Variants in LPIN1 observed in about 807,000 individuals in gnomAD.
The protein encoded by LPIN1 is phosphatidate phosphatase LPIN1.
Under a neutral mutation model 107.5 loss-of-function variants are expected in LPIN1, and 71 were observed. That is an observed-to-expected ratio of 0.66 (90% CI 0.55 to 0.80). The LOEUF (loss-of-function observed/expected upper bound fraction) is 0.80, where lower values mean the gene tolerates loss of function less well. Among genes scored for constraint, LPIN1 ranks in the 30% least tolerant of loss-of-function variants. The pLI is 0.00. For synonymous variants in LPIN1, 445 were observed against 452.6 expected (o/e 0.98, Z 0.21); for missense variants, 1,043 against 1,160.6 (o/e 0.90, Z 1.47).
chr2:11,734,028 G>T (rs1433547949), intron 1 of LPIN1, among the ~76,000 whole-genome samples: 1 of 152,208 alleles, frequency 6.6e-6, no homozygotes, highest in Non-Finnish European at 1.5e-5. Flanking sequence ...CAAATCCTAT[G>T]TTCTTTCTCC....
At chr2:11,819,822 A>T (rs1681216745) in intron 19 of LPIN1, among the ~76,000 whole-genome samples, 1 of 152,186 alleles carries the variant, frequency 6.6e-6, no homozygotes, top group African/African-American at 2.4e-5. Flanking sequence ...AAAGCTTGAG[A>T]TATGGGACTT....
rs762701125 is a variant in LPIN1 at position 11,771,521 on chromosome 2, G to A, written c.438G>A (p.Pro146=). ...AAGTGATCGCTCCCAGCGAGACGCC[G>A]TCAAGCAGCTCTGTAGTAAAGAAGA... ...PAQVIAPSET[P]SSSSVVKKRR... is the part of the protein sequence containing the mutation. The change falls in exon 4 of 21, where the codon CCG becomes CCA. Residue 146 remains proline (P), a synonymous_variant. Coordinates refer to ENST00000674199, the MANE Select transcript of LPIN1 (RefSeq NM_001349206.2). The surrounding 1 kb of genome is among the most constrained non-coding windows in gnomAD (Gnocchi z 4.8). 72 of 1,614,022 alleles carry A rather than the reference G, an allele frequency of 4.5e-5. No homozygotes were observed. In the Middle Eastern group the frequency reaches 9.9e-4, roughly 22 times the overall value.
At chr2:11,679,680 G>C (rs1286586738) in intron 1 of LPIN1, among the ~76,000 whole-genome samples, 1 of 152,200 alleles carries the variant, frequency 6.6e-6, no homozygotes, top group Admixed American at 6.5e-5. Context: ...CCCTCAGCAG[G>C]CCCCTTGGCT....
chr2:11,712,275 G>T (rs1663466258), intron 1 of LPIN1, among the ~76,000 whole-genome samples: 1 of 152,146 alleles, frequency 6.6e-6, no homozygotes, highest in Non-Finnish European at 1.5e-5. Flanking sequence ...GGCCTTTCTT[G>T]TCCTCTCCTC....
intron 1 of LPIN1, among the ~76,000 whole-genome samples, chr2:11,701,049 T>C (rs6716051): frequency 0.16 from 24,037 of 152,158 alleles, 2,123 homozygotes; most frequent in East Asian, 0.3. Context: ...TGTGTTCTGG[T>C]GTCCTCACTG....
chr2:11,802,188 G>T (rs1048474771), intron 14 of LPIN1, among the ~76,000 whole-genome samples: 5 of 152,210 alleles, frequency 3.3e-5, no homozygotes, highest in Admixed American at 6.5e-5. Context: ...TTATGTCATA[G>T]CAGGATTTTC....
chr2:11,759,147 T>C (rs1175933607), intron 1 of LPIN1, among the ~76,000 whole-genome samples: 4 of 143,580 alleles, frequency 2.8e-5, no homozygotes, highest in African/African-American at 1.1e-4. Context: ...CTTTCTTTCT[T>C]TCTTTCTTTC....
Position 11,805,109 on chromosome 2 carries a change from G to C in LPIN1, c.2202G>C (p.Lys734Asn), listed in dbSNP as rs757675674. 2.1e-5 allele frequency: 34 copies of C among 1,614,014 alleles called. No individual in the cohort carries two copies. Among genetic ancestry groups the C allele is most frequent in the Non-Finnish European group, 2.8e-5 (33 of 1,179,970 alleles). The change falls in exon 17 of 21, where the codon AAG becomes AAC. Residue 734 changes from lysine (K) to asparagine (N), a missense_variant. Coordinates refer to ENST00000674199, the MANE Select transcript of LPIN1 (RefSeq NM_001349206.2). Reference sequence around the variant, plus strand: ...GCCACATTTTGCCCACCCTTGGGAAGGATTGGACCCATCAGGGCATCGCTA... The same window carrying C: ...GCCACATTTTGCCCACCCTTGGGAACGATTGGACCCATCAGGGCATCGCTA... ...TLGHILPTLG[K>N]DWTHQGIAKL...
chr2:11,739,540 T>A (rs1038673150), intron 1 of LPIN1, among the ~76,000 whole-genome samples: 1 of 152,214 alleles, frequency 6.6e-6, no homozygotes, highest in South Asian at 2.1e-4. Flanking sequence ...GGTGACAAAT[T>A]AGTCCTAAAA....
chr2:11,773,895 A>T, intron 5 of LPIN1, 150 bp downstream of exon 5: 1 of 851,430 alleles, frequency 1.2e-6, no homozygotes, highest in Non-Finnish European at 1.8e-6. Flanking sequence ...ACAGATTAGG[A>T]TCAAACACAG....
chr2:11,694,921 C>T (rs367844289), intron 1 of LPIN1, among the ~76,000 whole-genome samples: 1 of 152,196 alleles, frequency 6.6e-6, no homozygotes, highest in African/African-American at 2.4e-5. Context: ...ATTTTCTCCA[C>T]CCATTTTTCT....
chr2:11,761,652 C>T (rs1669852483), intron 1 of LPIN1, among the ~76,000 whole-genome samples: 1 of 152,052 alleles, frequency 6.6e-6, no homozygotes, highest in Non-Finnish European at 1.5e-5. Context: ...CTTACCAGCC[C>T]CTGCATGCAG....
intron 1 of LPIN1, among the ~76,000 whole-genome samples, chr2:11,760,429 C>T (rs1041794029): frequency 6.6e-6 from 1 of 152,256 alleles, no homozygotes; most frequent in Non-Finnish European, 1.5e-5. Context: ...TCTGCAATCC[C>T]GGCACCTCAG....
Position 11,805,086 on chromosome 2 carries a change from C to T in LPIN1, c.2179C>T (p.His727Tyr). 1 of 1,612,570 alleles carries T rather than the reference C, an allele frequency of 6.2e-7. No individual in the cohort carries two copies. Among genetic ancestry groups the T allele is most frequent in the Non-Finnish European group, 8.5e-7 (1 of 1,178,840 alleles). The part of the protein sequence containing the change: ...GTITRSDTLG[H>Y]ILPTLGKDWT... ...TTCATTTAGATCAGATACTCTTGGC[C>T]ACATTTTGCCCACCCTTGGGAAGGA... The change falls in exon 17 of 21, where the codon CAC (histidine) becomes TAC (tyrosine). Residue 727 changes from histidine to tyrosine, a missense_variant. Physicochemically the swap from His to Tyr is moderately conservative, Grantham distance 83. Transcript: ENST00000674199.
rs550444975 is a variant in LPIN1, at chr2:11,717,088, G to C, written c.138+3276G>C. On this transcript the variant is annotated intron_variant, in intron 2 of 21. Transcript: ENST00000449576. The stretch of plus-strand genomic sequence containing the variant: ...GGAGCATGTTTTGTCGGGGGAGGAA[G>C]TGAAACTTTGTCTAGATTTACATTT... 2.6e-5 allele frequency among the ~76,000 whole-genome samples: 4 copies of C among 152,308 alleles called. No homozygotes were observed. The East Asian group carries it at 7.7e-4, about 29-fold the overall frequency.
chr2:11,761,936 G>A lies in LPIN1; in HGVS notation c.-9-3597G>A, dbSNP rs180981364. ...CCAGCTCTCGGAGCACACCAACTGG[G>A]TGCCTATAATTCAATTCAATTCTGA... is the stretch of plus-strand genomic sequence containing the variant. On this transcript the variant is annotated intron_variant, in intron 1 of 20. Transcript: ENST00000674199. 2.2e-3 allele frequency among the ~76,000 whole-genome samples: 330 copies of A among 152,170 alleles called. 2 individuals are homozygous for A. Among genetic ancestry groups the A allele is most frequent in the African/African-American group, 7.7e-3 (318 of 41,518 alleles).
At position 11,693,819 on chromosome 2, in the gene LPIN1, TATA is replaced by T. The variant is rs1309587130; in HGVS notation, c.81+16092_81+16094del. ...ATATATATATATATATATATATATA[TATA>T]TTTTTTTTTTTTTTTTTTTTTTTTT... On this transcript the variant is annotated intron_variant, in intron 1 of 21. Transcript: ENST00000449576. Among the ~76,000 whole-genome samples the T allele has an allele frequency of 5.8e-3, 169 of 29,390 alleles. 2 individuals carry two copies. Among genetic ancestry groups the T allele is most frequent in the Middle Eastern group, 0.028 (1 of 36 alleles). The allele number at this position is 29,390 out of a possible 152,430, so 19.3% of individuals were successfully genotyped here. A position where few individuals can be genotyped will look rare whatever the true frequency, so the allele number is the denominator to read the frequency against.
chr2:11,677,657 C>T lies in LPIN1; in HGVS notation c.10C>T (p.Gln4Ter). Residue 4 changes from glutamine (Q) to a stop codon, truncating the protein, a stop_gained, in exon 1 of 22, where the codon CAG becomes TAG. Coordinates refer to the LPIN1 transcript ENST00000449576. LOFTEE classifies it high-confidence loss of function. ...CCATACAGGGCGGGCCATGGGGGAA[C>T]AGGACGGCATTCGCAGCTCCAGCTG... 2 of 1,535,588 alleles carry T rather than the reference C, an allele frequency of 1.3e-6. No homozygotes were observed. Among genetic ancestry groups the T allele is most frequent in the Non-Finnish European group, 1.7e-6 (2 of 1,146,766 alleles).
At chr2:11,688,721 A>G (rs1342770390) in intron 1 of LPIN1, among the ~76,000 whole-genome samples, 1 of 152,244 alleles carries the variant, frequency 6.6e-6, no homozygotes, top group African/African-American at 2.4e-5. Context: ...AGCCGATAAT[A>G]AGAGAGTTTT....
Sources: gnomAD v4.1 joint callset for allele counts (sites outside exome capture counted in the v4.1 genomes callset) on GRCh38, gnomAD v4.1.1 for gene constraint, Gnocchi (gnomAD v3.1) non-coding constraint, MANE v1.5 for transcripts, NCBI Gene and HGNC (gene_info 2026-07-23, HGNC 2026-07-21) for gene names.